Variants in EXOC2 observed in about 807,000 individuals in gnomAD.
The protein encoded by EXOC2 is SEC5-like 1.
A neutral mutation model predicts 131.8 loss-of-function variants in EXOC2; 70 were observed. The observed-to-expected ratio is 0.53, with a 90% CI of 0.44 to 0.65. EXOC2 has a LOEUF of 0.65. Ranked by LOEUF, EXOC2 falls within the 30% of genes least tolerant of loss-of-function variation. The pLI, the probability that EXOC2 is intolerant of heterozygous loss-of-function variation, is 0.00. For missense variants in EXOC2, 923 were observed against 1,108.6 expected (o/e 0.83, Z 2.38); for synonymous variants, 411 against 398.4 (o/e 1.03, Z -0.38).
chr6:527,650 C>G (rs1214169170), intron 23 of EXOC2, among the ~76,000 whole-genome samples: 8 of 152,218 alleles, frequency 5.3e-5, no homozygotes, highest in Non-Finnish European at 1.2e-4. Context: ...GCAACCAACT[C>G]TGCTGTTATT....
At chr6:649,658 T>C (rs1035542655) in intron 1 of EXOC2, among the ~76,000 whole-genome samples, 1 of 152,264 alleles carries the variant, frequency 6.6e-6, no homozygotes, top group Non-Finnish European at 1.5e-5. Flanking sequence ...ACTTGTCTGA[T>C]TTCTTTTGAT....
At chr6:547,197 CATTT>C (rs1756910531) in intron 22 of EXOC2, among the ~76,000 whole-genome samples, 2 of 152,210 alleles carry the variant, frequency 1.3e-5, no homozygotes, top group Non-Finnish European at 2.9e-5. Context: ...CCCCTAAAAA[CATTT>C]ATTTGTCTCC....
At chr6:671,336 AAAC>A (rs1243152686) in intron 1 of EXOC2, among the ~76,000 whole-genome samples, 1 of 128,314 alleles carries the variant, frequency 7.8e-6, no homozygotes. Context: ...GACTGTCTCA[AAAC>A]AACAACAACA....
intron 22 of EXOC2, among the ~76,000 whole-genome samples, chr6:543,175 A>G (rs1756652053): frequency 6.6e-6 from 1 of 152,182 alleles, no homozygotes; most frequent in Admixed American, 6.5e-5. Context: ...AGTTGAGAAG[A>G]AAGACTTGGC....
rs372991332 is a variant in EXOC2 at position 504,926 on chromosome 6, A to G, written c.2381-5226T>C. 7.2e-5 allele frequency among the ~76,000 whole-genome samples: 11 copies of G among 152,314 alleles called. No homozygotes were observed. In the East Asian group the frequency reaches 1.7e-3, roughly 24 times the overall value. On this transcript the variant is annotated intron_variant, in intron 23 of 27. Transcript: ENST00000230449. ...AAGTAGTACACATATTTCAGGTGTT[A>G]ATTTAAAATTAAAGACATAACAGTT... is the stretch of plus-strand genomic sequence containing the variant.
rs541625426 is a variant in EXOC2, at chr6:692,400, C to A, written c.-44+619G>T. Among the ~76,000 whole-genome samples, 66 of 152,344 alleles carry A rather than the reference C, an allele frequency of 4.3e-4. 1 individual carries two copies. Among genetic ancestry groups the A allele is most frequent in the African/African-American group, 1.6e-3 (66 of 41,584 alleles). On this transcript the variant is annotated intron_variant, in intron 1 of 27. Transcript: ENST00000230449. ...GGCTGCTGGTGTGCGGACCTGGAGC[C>A]GGCGCGCAAGGTCTCAATGGCAGCT... is the stretch of plus-strand genomic sequence containing the variant.
At chr6:623,389 AT>A (rs1469072450) in intron 4 of EXOC2, among the ~76,000 whole-genome samples, 6 of 152,244 alleles carry the variant, frequency 3.9e-5, no homozygotes, top group Non-Finnish European at 8.8e-5. Flanking sequence ...GGAGCTGATT[AT>A]TCTGAGAGTT....
chr6:573,476 C>T, intron 12 of EXOC2, among the ~76,000 whole-genome samples: 1 of 152,156 alleles, frequency 6.6e-6, no homozygotes, highest in East Asian at 1.9e-4. Context: ...CAGTCCTCAG[C>T]ACAATGACGC....
At chr6:584,832 TTCTC>T (rs1249179027) in intron 11 of EXOC2, among the ~76,000 whole-genome samples, 1 of 152,250 alleles carries the variant, frequency 6.6e-6, no homozygotes, top group African/African-American at 2.4e-5. Context: ...AGGTAACACT[TTCTC>T]TATGAGTAGC....
intron 23 of EXOC2, among the ~76,000 whole-genome samples, chr6:529,765 C>T (rs1427050902): frequency 6.6e-6 from 1 of 151,920 alleles, no homozygotes; most frequent in African/African-American, 2.4e-5. Flanking sequence ...CATGGTGATG[C>T]AAAGTAATAC....
intron 1 of EXOC2, among the ~76,000 whole-genome samples, chr6:682,089 C>G (rs1303967253): frequency 6.6e-6 from 1 of 152,188 alleles, no homozygotes; most frequent in Non-Finnish European, 1.5e-5. Flanking sequence ...ACCTGCATGA[C>G]ACAGCACTGC....
chr6:669,120 A>AC (rs1263582060), intron 1 of EXOC2: 1 of 152,324 alleles, frequency 6.6e-6, no homozygotes, highest in Non-Finnish European at 1.5e-5. Flanking sequence ...GATCTCCTGC[A>AC]CCATGTCCTT....
chr6:545,271 T>G (rs947886083), intron 22 of EXOC2, among the ~76,000 whole-genome samples: 5 of 152,164 alleles, frequency 3.3e-5, no homozygotes, highest in South Asian at 2.1e-4. Flanking sequence ...ATTAGATGCT[T>G]ATTTTTAAAG....
At chr6:519,098 G>A (rs1475134842) in intron 23 of EXOC2, among the ~76,000 whole-genome samples, 3 of 144,460 alleles carry the variant, frequency 2.1e-5, no homozygotes, top group Admixed American at 6.8e-5. Flanking sequence ...GACACTCACC[G>A]TCCACACTCG....
chr6:604,329 C>T (rs1322325162), intron 7 of EXOC2, among the ~76,000 whole-genome samples: 1 of 152,144 alleles, frequency 6.6e-6, no homozygotes, highest in South Asian at 2.1e-4. Flanking sequence ...CCTTTCTCAC[C>T]TGCCACTCGC....
chr6:533,835 C>T (rs1242509853), intron 22 of EXOC2, among the ~76,000 whole-genome samples: 1 of 152,118 alleles, frequency 6.6e-6, no homozygotes, highest in African/African-American at 2.4e-5. Flanking sequence ...GAGGGATAGG[C>T]TTCTCTCCAA....
chr6:625,515 GTTC>G (rs1761514566), intron 4 of EXOC2, among the ~76,000 whole-genome samples: 2 of 123,448 alleles, frequency 1.6e-5, no homozygotes, highest in African/African-American at 3.1e-5. Context: ...GTTTGTTTCC[GTTC>G]TTTTTTTTTT....
At chr6:656,361 G>A (rs1489397668) in intron 1 of EXOC2, 2 of 1,614,182 alleles carry the variant, frequency 1.2e-6, no homozygotes, top group Non-Finnish European at 1.7e-6. Flanking sequence ...CACCACCTCC[G>A]TCTCTATACT....
chr6:584,931 GACC>G (rs1291561589), intron 11 of EXOC2, among the ~76,000 whole-genome samples: 1 of 152,172 alleles, frequency 6.6e-6, no homozygotes, highest in Non-Finnish European at 1.5e-5. Context: ...CACCTTTGAA[GACC>G]ACCTTTAAAA....
Sources: allele counts gnomAD v4.1 joint callset (sites outside exome capture counted in the v4.1 genomes callset), GRCh38; gene constraint gnomAD v4.1.1; transcripts MANE v1.5; gene names NCBI Gene and HGNC (gene_info 2026-07-23, HGNC 2026-07-21).